Variants in GPHN observed in about 807,000 individuals in gnomAD.
The protein encoded by GPHN is gephyrin.
In GPHN, 17 loss-of-function variants were observed where a neutral mutation model predicts 95.5. The observed-to-expected ratio is 0.18, with a 90% CI of 0.12 to 0.27. The LOEUF (loss-of-function observed/expected upper bound fraction) is 0.27, where lower values mean the gene tolerates loss of function less well. Among genes scored for constraint, GPHN ranks in the 10% least tolerant of loss-of-function variants. The pLI, the probability that GPHN is intolerant of heterozygous loss-of-function variation, is 1.00. For synonymous variants in GPHN, 320 were observed against 322.5 expected, an observed-to-expected ratio of 0.99 and a Z score of 0.08; for missense variants, 660 against 978.1, an observed-to-expected ratio of 0.67 and a Z score of 4.34.
chr14:67,557,265 T>C, the GPHN span: 1 of 1,613,346 alleles, frequency 6.2e-7, no homozygotes, highest in South Asian at 1.1e-5. Context: ...ATTGTACTTT[T>C]CAGGTGGGTG....
chr14:67,208,097 A>C, the GPHN span: 1 of 1,475,326 alleles, frequency 6.8e-7, no homozygotes. Flanking sequence ...ACGGGTGCTC[A>C]GTGACGATGA....
intron 1 of GPHN, among the ~76,000 whole-genome samples, chr14:66,679,396 A>G (rs558093274): frequency 9.9e-5 from 15 of 151,848 alleles, no homozygotes; most frequent in Non-Finnish European, 1.9e-4. Context: ...TTTGATTTTC[A>G]GCATTTTGAG....
rs76702274 is a variant in GPHN, at chr14:66,570,044, G to T, written c.64+61453G>T. ...CCATGAGTGAAATAATATTCTATTT[G>T]TTTTTTTGTGCTTGTTTTATTTCAT... is the stretch of plus-strand genomic sequence containing the variant. On this transcript the variant is annotated intron_variant, in intron 1 of 22. Coordinates refer to ENST00000478722, the MANE Select transcript of GPHN (RefSeq NM_020806.5). 5.1e-3 allele frequency among the ~76,000 whole-genome samples: 415 copies of T among 80,892 alleles called. 2 individuals are homozygous for T. In the African/African-American group the frequency reaches 0.052, roughly 10 times the overall value. The allele number at this position is 80,892 out of a possible 152,430, so 53.1% of individuals were successfully genotyped here.
chr14:66,717,021 G>A (rs1259754298), intron 2 of GPHN, among the ~76,000 whole-genome samples: 1 of 152,074 alleles, frequency 6.6e-6, no homozygotes, highest in Non-Finnish European at 1.5e-5. Flanking sequence ...AAATTTTCCA[G>A]GTGTTCTTTG....
chr14:66,895,689 G>A (rs186104025), intron 5 of GPHN, among the ~76,000 whole-genome samples: 57 of 152,168 alleles, frequency 3.7e-4, no homozygotes, highest in African/African-American at 1.4e-3. Flanking sequence ...AATGGGGGAG[G>A]ATGAAATGTC....
At chr14:67,273,829 T>C in the GPHN span, among the ~76,000 whole-genome samples, 2 of 152,230 alleles carry the variant, frequency 1.3e-5, no homozygotes, top group African/African-American at 4.8e-5. Flanking sequence ...TGGTGTGAGA[T>C]GGTATCTCAT....
the GPHN span, among the ~76,000 whole-genome samples, chr14:67,351,911 C>CAAAAAAA: frequency 7.8e-6 from 1 of 128,118 alleles, no homozygotes; most frequent in African/African-American, 3.2e-5. Flanking sequence ...GAACCTCTAC[C>CAAAAAAA]AAAAAAAAAA....
chr14:67,356,860 T>C, the GPHN span, among the ~76,000 whole-genome samples: 13 of 152,224 alleles, frequency 8.5e-5, no homozygotes, highest in African/African-American at 2.7e-4. Flanking sequence ...TTTAACATAA[T>C]GTATTGTTGA....
the GPHN span, chr14:67,349,148 A>C: frequency 6.3e-7 from 1 of 1,576,356 alleles, no homozygotes; most frequent in Non-Finnish European, 8.7e-7. Context: ...CTCTTCAGAA[A>C]TAAACCTACA....
intron 2 of GPHN, among the ~76,000 whole-genome samples, chr14:66,770,340 C>A (rs766867962): frequency 1.3e-5 from 2 of 152,072 alleles, no homozygotes; most frequent in Non-Finnish European, 2.9e-5. Context: ...TAATTAGATC[C>A]CATTTGTCAA....
chr14:67,395,325 C>A, the GPHN span: 5 of 1,347,096 alleles, frequency 3.7e-6, no homozygotes, highest in Non-Finnish European at 5.2e-6. Flanking sequence ...ACAGAGCCCC[C>A]CCAAGGGGCA....
chr14:67,551,003 A>G, the GPHN span, among the ~76,000 whole-genome samples: 4 of 152,252 alleles, frequency 2.6e-5, no homozygotes, highest in Non-Finnish European at 5.9e-5. Flanking sequence ...GTTTAGCTAC[A>G]TAAGTGTAGC....
chr14:67,558,834 C>T, the GPHN span, among the ~76,000 whole-genome samples: 1 of 152,218 alleles, frequency 6.6e-6, no homozygotes, highest in African/African-American at 2.4e-5. Flanking sequence ...GGCCACAGGT[C>T]TCTGTTGCAA....
At chr14:66,592,194 A>G (rs4027856) in intron 1 of GPHN, among the ~76,000 whole-genome samples, 5 of 152,238 alleles carry the variant, frequency 3.3e-5, no homozygotes, top group African/African-American at 9.6e-5. Flanking sequence ...TAAAACCATA[A>G]AAACTCTAGA....
chr14:66,625,581 C>T (rs1303025110), intron 1 of GPHN, among the ~76,000 whole-genome samples: 2 of 152,150 alleles, frequency 1.3e-5, no homozygotes, highest in East Asian at 1.9e-4. Flanking sequence ...TTCAAACCTT[C>T]TAATACAGTT....
At chr14:67,524,152 A>G in the GPHN span, among the ~76,000 whole-genome samples, 2 of 152,118 alleles carry the variant, frequency 1.3e-5, no homozygotes, top group Non-Finnish European at 2.9e-5. Context: ...TATTTTTTTA[A>G]TAAGTGAAAT....
the GPHN span, chr14:67,656,459 T>C: frequency 1.9e-6 from 3 of 1,613,686 alleles, no homozygotes; most frequent in Non-Finnish European, 2.5e-6. Flanking sequence ...TTCCCCCAGC[T>C]CTTCTATGAT....
the GPHN span, among the ~76,000 whole-genome samples, chr14:67,435,437 A>C: frequency 1.3e-4 from 20 of 152,270 alleles, no homozygotes; most frequent in African/African-American, 4.6e-4. Context: ...TTAAGTTTCA[A>C]CATGAATTTT....
At chr14:67,043,010 A>T (rs2074794010) in intron 10 of GPHN, among the ~76,000 whole-genome samples, 1 of 152,034 alleles carries the variant, frequency 6.6e-6, no homozygotes, top group Non-Finnish European at 1.5e-5. Context: ...ATGGGAGTTC[A>T]CTCATGATTT....
Sources: allele counts gnomAD v4.1 joint callset (sites outside exome capture counted in the v4.1 genomes callset), GRCh38; gene constraint gnomAD v4.1.1; transcripts MANE v1.5; gene names NCBI Gene and HGNC (gene_info 2026-07-23, HGNC 2026-07-21).